ASB9: variants seen among roughly 807,000 people sequenced by gnomAD.
ASB9 encodes ankyrin repeat and SOCS box containing 9.
ASB9 carries 5 observed loss-of-function variants against 16.6 expected under a neutral mutation model. The observed-to-expected ratio is 0.30, with a 90% CI of 0.16 to 0.63. The LOEUF (loss-of-function observed/expected upper bound fraction) is 0.63. Among genes scored for constraint, ASB9 ranks in the 30% least tolerant of loss-of-function variants. The probability of loss-of-function intolerance (pLI) is 0.82; values close to 1 mark genes in which losing one functional copy is unlikely to be tolerated. For missense variants in ASB9, 216 were observed against 229.4 expected (o/e 0.94, Z 0.38); for synonymous variants, 100 against 86.4 (o/e 1.16, Z -0.87).
intron 4 of ASB9, 32 bp from the exon 5 acceptor site, chrX:15,250,596 C>T (rs754320401): frequency 8.5e-7 from 1 of 1,175,540 alleles, no homozygotes; most frequent in South Asian, 2.0e-5. Context: ...AAAACAGTTA[C>T]AATACAAGTT....
At chrX:15,268,597 TGTATTTTA>T (rs1421704455) in intron 1 of ASB9, among the ~76,000 whole-genome samples, 1 of 105,622 alleles carries the variant, frequency 9.5e-6, no homozygotes, top group Non-Finnish European at 1.9e-5. Flanking sequence ...AGCTAATTTT[TGTATTTTA>T]GGTAGCGACG....
At chrX:15,250,149 G>A (rs1239106932) in intron 5 of ASB9, among the ~76,000 whole-genome samples, 1 of 110,594 alleles carries the variant, frequency 9.0e-6, no homozygotes, top group African/African-American at 3.3e-5. Context: ...AGAGGAAAGG[G>A]AGGAGAAACT....
At chrX:15,250,775 G>A (rs1192413016) in intron 4 of ASB9, among the ~76,000 whole-genome samples, 4 of 112,031 alleles carry the variant, frequency 3.6e-5, no homozygotes, top group Non-Finnish European at 7.5e-5. Context: ...AGGCTGGAGT[G>A]CAGTGGCGCA....
In ASB9 at chrX:15,250,432, G is replaced by A. The variant is rs749647450; in HGVS notation, c.566C>T (p.Ser189Leu). ...TTTTGGTTTGCTTTTTGCTTTACCT[G>A]ACTCCAGAAGCTTCTTGACACAGGC... Reference protein sequence around the residue: ...QRACVKKLLESGADVNQGKGQ... With the variant: ...QRACVKKLLELGADVNQGKGQ... The change falls in exon 5 of 7, where the codon TCA becomes TTA. Residue 189 changes from serine (S) to leucine (L), a missense_variant and splice_region_variant. Coordinates refer to ENST00000380488, the MANE Select transcript of ASB9 (RefSeq NM_001031739.3). 8.3e-7 allele frequency: 1 copy of A among 1,201,813 alleles called. No individual in the cohort carries two copies. Among genetic ancestry groups the A allele is most frequent in the Admixed American group, 2.3e-5 (1 of 43,233 alleles).
intron 1 of ASB9, among the ~76,000 whole-genome samples, chrX:15,267,408 T>TATATTTAAAAAA (rs1926549510): frequency 6.0e-5 from 3 of 50,148 alleles, no homozygotes; most frequent in Non-Finnish European, 1.1e-4. Context: ...AGACTCCATC[T>TATATTTAAAAAA]AAAAAAAAAA....
At chrX:15,252,174 A>G in intron 4 of ASB9, 80 bp downstream of exon 4, 1 of 1,038,160 alleles carries the variant, frequency 9.6e-7, no homozygotes, top group Middle Eastern at 3.8e-4. Context: ...TCTAAAATAT[A>G]TCTCCTTTTC....
intron 2 of ASB9, among the ~76,000 whole-genome samples, chrX:15,256,040 A>G (rs1480157988): frequency 9.0e-6 from 1 of 111,565 alleles, no homozygotes; most frequent in Non-Finnish European, 1.9e-5. Context: ...AAGGGGGTCA[A>G]CAAACAGTAG....
chrX:15,261,060 C>T (rs891998315), intron 1 of ASB9, among the ~76,000 whole-genome samples: 3 of 111,716 alleles, frequency 2.7e-5, no homozygotes, highest in Non-Finnish European at 5.6e-5. Flanking sequence ...CAAAACCTCA[C>T]GCTTAATAGA....
chrX:15,267,519 C>T (rs1303500244), intron 1 of ASB9, among the ~76,000 whole-genome samples: 14 of 36,549 alleles, frequency 3.8e-4, no homozygotes, highest in East Asian at 3.2e-3. Flanking sequence ...CCAAGGCGGG[C>T]GGATCACGAG....
chrX:15,250,659 G>C, intron 4 of ASB9, 95 bp from the exon 5 acceptor site: 1 of 820,036 alleles, frequency 1.2e-6, no homozygotes, highest in South Asian at 3.2e-5. Flanking sequence ...TTTGGCAGCA[G>C]CTTATCCAGG....
At chrX:15,245,948 C>T (rs1384694198) in intron 6 of ASB9, among the ~76,000 whole-genome samples, 1 of 111,678 alleles carries the variant, frequency 9.0e-6, no homozygotes, top group Non-Finnish European at 1.9e-5. Flanking sequence ...AGTAAGGCAC[C>T]TATGAGATGA....
At chrX:15,258,167 C>T (rs1925725312) in intron 2 of ASB9, among the ~76,000 whole-genome samples, 2 of 111,980 alleles carry the variant, frequency 1.8e-5, no homozygotes, top group African/African-American at 6.5e-5. Flanking sequence ...TTTATGAAAG[C>T]AGAAACCGGG....
chrX:15,252,386 C>T lies in ASB9; in HGVS notation c.301G>A (p.Asp101Asn), dbSNP rs769454059. Reference protein sequence around the residue: ...HGAQVNGVTADWHTPLFNACV... With the variant: ...HGAQVNGVTANWHTPLFNACV... ...GCATTAAACAGTGGAGTGTGCCAGTCTGCTGTCACACCATTCACCTGGTAA... is the reference window on the plus strand; with the variant it reads ...GCATTAAACAGTGGAGTGTGCCAGTTTGCTGTCACACCATTCACCTGGTAA... Residue 101 changes from aspartate to asparagine, a missense_variant, in exon 4 of 7, where the codon GAC becomes AAC. Transcript: ENST00000380488. The T allele has an allele frequency of 5.0e-6, 6 of 1,205,314 alleles. No homozygotes were observed. In the South Asian group the frequency reaches 1.1e-4, roughly 22 times the overall value.
chrX:15,264,386 A>G (rs1926221383), intron 1 of ASB9, among the ~76,000 whole-genome samples: 1 of 111,594 alleles, frequency 9.0e-6, no homozygotes, highest in Non-Finnish European at 1.9e-5. Context: ...AACCATATAT[A>G]TTTTCAGGGT....
intron 2 of ASB9, 102 bp from the exon 3 acceptor site, chrX:15,254,946 C>A: frequency 3.4e-6 from 2 of 594,378 alleles, no homozygotes; most frequent in Non-Finnish European, 2.7e-6. Flanking sequence ...TGACCTGGCT[C>A]AAAGTCAGAT....
At chrX:15,267,666 A>C (rs918667001) in intron 1 of ASB9, among the ~76,000 whole-genome samples, 45 of 98,326 alleles carry the variant, frequency 4.6e-4, no homozygotes, top group African/African-American at 1.6e-3. Flanking sequence ...TCGCTTGAAC[A>C]CGGGAAGGTG....
chrX:15,258,296 G>GAT (rs1430494865), intron 2 of ASB9, among the ~76,000 whole-genome samples: 4 of 111,830 alleles, frequency 3.6e-5, no homozygotes, highest in African/African-American at 1.3e-4. Context: ...TTTAAGAAGT[G>GAT]ATATATAAAA....
At chrX:15,253,031 C>T (rs111296211) in intron 3 of ASB9, among the ~76,000 whole-genome samples, 2,835 of 110,289 alleles carry the variant, frequency 0.026, 109 homozygotes, top group African/African-American at 0.087. Flanking sequence ...CTCAGGAGTT[C>T]GAGACCAGCC....
chrX:15,260,969 C>G (rs756184134), intron 1 of ASB9, among the ~76,000 whole-genome samples: 1 of 111,878 alleles, frequency 8.9e-6, no homozygotes, highest in South Asian at 3.8e-4. Flanking sequence ...CTACATACCG[C>G]CCATCCAATG....
Sources: gnomAD v4.1 joint callset for allele counts (sites outside exome capture counted in the v4.1 genomes callset) on GRCh38, gnomAD v4.1.1 for gene constraint, MANE v1.5 for transcripts, NCBI Gene and HGNC (gene_info 2026-07-23, HGNC 2026-07-21) for gene names.